PDE8A: variants seen among roughly 807,000 people sequenced by gnomAD.
PDE8A encodes high affinity cAMP-specific and IBMX-insensitive 3',5'-cyclic phosphodiesterase 8A.
PDE8A carries 59 observed loss-of-function variants against 105.0 expected under a neutral mutation model. The ratio of observed to expected loss-of-function variants is 0.56; its 90% CI spans 0.46 to 0.70. PDE8A has a LOEUF of 0.70. Among genes scored for constraint, PDE8A ranks in the 30% least tolerant of loss-of-function variants. PDE8A has a pLI of 0.00. For missense variants in PDE8A, 1,014 were observed against 1,045.9 expected (o/e 0.97, Z 0.42); for synonymous variants, 355 against 371.9 (o/e 0.95, Z 0.52).
In PDE8A at chr15:85,113,358, T is replaced by C; in HGVS notation, c.1115-19T>C. The C allele has an allele frequency of 6.2e-7, 1 of 1,610,908 alleles. No individual in the cohort carries two copies. Among genetic ancestry groups the C allele is most frequent in the South Asian group, 1.1e-5 (1 of 91,016 alleles). The stretch of plus-strand genomic sequence containing the variant: ...CCAGAGTTGTGCATGCCCTGATTTG[T>C]GCATCCCTTTCTCCACAGTTTCCAG... On this transcript the variant is annotated intron_variant, in intron 12 of 21. Transcript: ENST00000394553.
Position 85,123,096 on chromosome 15 carries a change from A to C in PDE8A, c.1988A>C (p.Asp663Ala), listed in dbSNP as rs758119361. ...DYRTLRQGII[D>A]MVLATEMTKH... ...CGGACACTGCGCCAGGGGATTATCG[A>C]CATGGTCTTAGCCACAGAAATGACA... The change falls in exon 19 of 22, where the codon GAC becomes GCC. Residue 663 changes from aspartate to alanine, a missense_variant. Coordinates refer to ENST00000394553, the MANE Select transcript of PDE8A (RefSeq NM_002605.3). The C allele has an allele frequency of 5.0e-6, 8 of 1,613,936 alleles. No individual in the cohort carries two copies. The highest frequency in any genetic ancestry group is 6.8e-6 in the Non-Finnish European group (8 of 1,179,950).
chr15:85,012,478 C>T (rs2080255886), intron 1 of PDE8A, among the ~76,000 whole-genome samples: 2 of 139,170 alleles, frequency 1.4e-5, no homozygotes, highest in African/African-American at 2.7e-5. Context: ...TGTTCTCACT[C>T]ATAGGTGGGA....
intron 20 of PDE8A, among the ~76,000 whole-genome samples, chr15:85,128,693 T>A (rs2082291805): frequency 6.6e-6 from 1 of 152,198 alleles, no homozygotes. Context: ...TAGTAAAAGA[T>A]AAACCACCCA....
In PDE8A at chr15:85,117,855, C is replaced by T; in HGVS notation, c.1734+16C>T. 1 of 1,599,158 alleles carries T rather than the reference C, an allele frequency of 6.3e-7. No individual in the cohort carries two copies. Among genetic ancestry groups the T allele is most frequent in the South Asian group, 1.1e-5 (1 of 90,826 alleles). ...GAGGATAAAGGTGAGCTGTTGTTTA[C>T]CTGCCACATTTAATGGGCAGGAGCA... is the stretch of plus-strand genomic sequence containing the variant. On this transcript the variant is annotated intron_variant, in intron 17 of 21. Coordinates refer to ENST00000394553, the MANE Select transcript of PDE8A (RefSeq NM_002605.3).
At chr15:85,075,717 G>A (rs2081370878) in intron 3 of PDE8A, 145 bp from the exon 4 acceptor site, 1 of 543,618 alleles carries the variant, frequency 1.8e-6, no homozygotes, top group Admixed American at 3.6e-5. Flanking sequence ...AAGTAGTCAA[G>A]AAGGTGAGTG....
upstream of PDE8A, chr15:84,980,503 G>C (rs919151681): frequency 2.0e-5 from 3 of 152,416 alleles, no homozygotes; most frequent in African/African-American, 7.2e-5. Context: ...GCTAGGAAAG[G>C]TGTGGACGGT....
intron 1 of PDE8A, among the ~76,000 whole-genome samples, chr15:85,051,975 C>T (rs545571207): frequency 4.5e-4 from 68 of 151,866 alleles, no homozygotes; most frequent in South Asian, 4.0e-3. Context: ...CTCCCCCCTC[C>T]CCACACCCCA....
chr15:85,105,728 G>T (rs1015543622), intron 11 of PDE8A, among the ~76,000 whole-genome samples: 19 of 152,212 alleles, frequency 1.2e-4, no homozygotes, highest in South Asian at 4.1e-4. Context: ...CCAAGCCCTG[G>T]CTATGGAGGC....
chr15:84,985,238 G>T (rs1039807792), intron 1 of PDE8A, among the ~76,000 whole-genome samples: 1 of 152,174 alleles, frequency 6.6e-6, no homozygotes, highest in South Asian at 2.1e-4. Flanking sequence ...AATGTAATTT[G>T]CTTCTTAATG....
In PDE8A at chr15:85,123,132, A is replaced by T. The variant is rs2082207349; in HGVS notation, c.2024A>T (p.Glu675Val). 1.2e-6 allele frequency: 2 copies of T among 1,613,980 alleles called. No individual in the cohort carries two copies. The highest frequency in any genetic ancestry group is 4.5e-5 in the East Asian group (2 of 44,878). The change falls in exon 19 of 22, where the codon GAG becomes GTG. Residue 675 changes from glutamate (E) to valine (V), a missense_variant. Coordinates refer to ENST00000394553, the MANE Select transcript of PDE8A (RefSeq NM_002605.3). ...GCCACAGAAATGACAAAGCACTTTG[A>T]GCATGTCAACAAATTTGTCAACAGC... ...VLATEMTKHFEHVNKFVNSIN... is the reference protein window; with the variant it reads ...VLATEMTKHFVHVNKFVNSIN...
At chr15:85,089,299 A>G in intron 6 of PDE8A, 39 bp from the exon 7 acceptor site, 1 of 1,035,704 alleles carries the variant, frequency 9.7e-7, no homozygotes, top group Admixed American at 2.0e-5. Flanking sequence ...ATTTTGTAGT[A>G]TTTACATTAA....
chr15:85,123,335 GAT>G (rs1453695167), intron 19 of PDE8A, 142 bp downstream of exon 19: 1 of 480,270 alleles, frequency 2.1e-6, no homozygotes, highest in Non-Finnish European at 3.7e-6. Context: ...GAACTAATGG[GAT>G]ACACACACAC....
At chr15:85,085,839 C>G (rs754798109) in intron 6 of PDE8A, among the ~76,000 whole-genome samples, 12 of 151,852 alleles carry the variant, frequency 7.9e-5, no homozygotes, top group Non-Finnish European at 1.6e-4. Context: ...GAAACCCCGT[C>G]TCTACTAAAA....
intron 2 of PDE8A, among the ~76,000 whole-genome samples, chr15:85,065,329 TGGTGG>T (rs1567260377): frequency 1.4e-5 from 1 of 71,072 alleles, no homozygotes; most frequent in Non-Finnish European, 2.5e-5. Flanking sequence ...CTGGGGACTG[TGGTGG>T]GGAGGGGGGA....
At position 85,102,547 on chromosome 15, in the gene PDE8A, A is replaced by ACTT. The variant is rs531651937; in HGVS notation, c.1036+2349_1036+2350insCTT. Reference sequence around the variant, plus strand: ...ATTTTTTTTTTTTTAACTCTTAAGAAGAGTACCATAGGGCTGGACGCAGTG... The same window carrying ACTT: ...ATTTTTTTTTTTTTAACTCTTAAGAACTTGAGTACCATAGGGCTGGACGCAGTG... On this transcript the variant is annotated intron_variant, in intron 11 of 21. Transcript: ENST00000394553. Among the ~76,000 whole-genome samples the ACTT allele has an allele frequency of 5.3e-5, 8 of 151,944 alleles. No individual in the cohort carries two copies. The South Asian group carries it at 1.7e-3, about 32-fold the overall frequency.
rs781503959 is a variant in PDE8A at position 85,136,564 on chromosome 15, G to A, written c.2284G>A (p.Val762Met). 1.2e-6 allele frequency: 2 copies of A among 1,613,798 alleles called. No individual in the cohort carries two copies. Among genetic ancestry groups the A allele is most frequent in the African/African-American group, 2.7e-5 (2 of 74,922 alleles). ...TDEEKQQGLP[V>M]VMPVFDRNTC... ...TGAAGAGAAGCAGCAGGGCTTACCT[G>A]TGGTGATGCCAGTGTTTGACAGAAA... Residue 762 changes from valine (V) to methionine (M), a missense_variant, in exon 21 of 22, where the codon GTG becomes ATG. By Grantham distance (21) the Val-to-Met change is conservative. Coordinates refer to ENST00000394553, the MANE Select transcript of PDE8A (RefSeq NM_002605.3).
intron 6 of PDE8A, among the ~76,000 whole-genome samples, chr15:85,086,908 A>C (rs925186144): frequency 6.6e-6 from 1 of 152,000 alleles, no homozygotes; most frequent in Non-Finnish European, 1.5e-5. Flanking sequence ...ATGTGCCACC[A>C]GGTCTGGCTA....
intron 1 of PDE8A, among the ~76,000 whole-genome samples, chr15:85,030,444 G>A (rs1046537471): frequency 1.3e-5 from 2 of 152,110 alleles, no homozygotes; most frequent in African/African-American, 4.8e-5. Flanking sequence ...CATAATCAGA[G>A]TGAGGAATGT....
intron 1 of PDE8A, among the ~76,000 whole-genome samples, chr15:84,989,880 A>G (rs2079859648): frequency 6.6e-6 from 1 of 152,126 alleles, no homozygotes; most frequent in African/African-American, 2.4e-5. Context: ...AGAATTATGC[A>G]CTCATATGCC....
Sources: allele counts gnomAD v4.1 joint callset (sites outside exome capture counted in the v4.1 genomes callset), GRCh38; gene constraint gnomAD v4.1.1; transcripts MANE v1.5; gene names NCBI Gene and HGNC (gene_info 2026-07-23, HGNC 2026-07-21).